DCLK2: variants seen among roughly 807,000 people sequenced by gnomAD.
DCLK2 encodes doublecortin like kinase 2.
In DCLK2, 31 loss-of-function variants were observed where a neutral mutation model predicts 78.4. That is an observed-to-expected ratio of 0.40 (90% confidence interval 0.30 to 0.53). The LOEUF is 0.53. Ranked by LOEUF, DCLK2 falls within the 20% of genes least tolerant of loss-of-function variation. The probability of loss-of-function intolerance (pLI) is 0.61; values close to 1 mark genes in which losing one functional copy is unlikely to be tolerated. For synonymous variants in DCLK2, 407 were observed against 374.9 expected (o/e 1.09, Z -0.99); for missense variants, 872 against 973.7 (o/e 0.90, Z 1.39).
chr4:150,101,007 C>T (rs1299946256), intron 1 of DCLK2, among the ~76,000 whole-genome samples: 2 of 152,146 alleles, frequency 1.3e-5, no homozygotes, highest in African/African-American at 2.4e-5. Context: ...AATCCCAGCA[C>T]TTTGGGAGGT....
intron 2 of DCLK2, among the ~76,000 whole-genome samples, chr4:150,161,690 A>G (rs1735715664): frequency 6.6e-6 from 1 of 152,194 alleles, no homozygotes; most frequent in Non-Finnish European, 1.5e-5. Flanking sequence ...ATCCACAGAG[A>G]TGTGTTTCCA....
At chr4:150,156,107 G>A (rs60907583) in intron 2 of DCLK2, among the ~76,000 whole-genome samples, 45,462 of 151,948 alleles carry the variant, frequency 0.3, 6,924 homozygotes, top group East Asian at 0.34. Context: ...AGACCCACCC[G>A]TTGGACTTGA....
At chr4:150,169,189 A>C (rs1020231192) in intron 2 of DCLK2, among the ~76,000 whole-genome samples, 3 of 152,198 alleles carry the variant, frequency 2.0e-5, no homozygotes, top group African/African-American at 7.2e-5. Flanking sequence ...AAATGACAAA[A>C]ATATTCCCAA....
At chr4:150,198,928 T>C in intron 4 of DCLK2, 1 of 365,576 alleles carries the variant, frequency 2.7e-6, no homozygotes, top group Non-Finnish European at 5.4e-6. Context: ...CCCCACTTTC[T>C]GTAGGGCAGG....
At position 150,248,317 on chromosome 4, in the gene DCLK2, C is replaced by G. The variant is rs1277884374; in HGVS notation, c.1888C>G (p.Gln630Glu). ...ITDSAKELIS[Q>E]MLQVNVEARC... ...TGTTTATTTGTAGGAATTAATCAGT[C>G]AAATGCTTCAGGTAAATGTTGAAGC... Residue 630 changes from glutamine (Q) to glutamate (E), a missense_variant, in exon 14 of 16, where the codon CAA (glutamine) becomes GAA (glutamate). Transcript: ENST00000296550. 2 of 1,613,948 alleles carry G rather than the reference C, an allele frequency of 1.2e-6. No homozygotes were observed. The highest frequency in any genetic ancestry group is 2.2e-5 in the South Asian group (2 of 91,064).
chr4:150,222,116 C>T (rs1018925684), intron 7 of DCLK2, among the ~76,000 whole-genome samples: 1 of 151,912 alleles, frequency 6.6e-6, no homozygotes, highest in South Asian at 2.1e-4. Flanking sequence ...CTCAGCCTCC[C>T]AGCTAATTTT....
intron 2 of DCLK2, among the ~76,000 whole-genome samples, chr4:150,177,431 A>G (rs534960420): frequency 1.3e-5 from 2 of 152,312 alleles, no homozygotes; most frequent in South Asian, 2.1e-4. Context: ...GATGTAGTCT[A>G]TGGGCGAGGA....
Position 150,249,689 on chromosome 4 carries a change from G to C in DCLK2, c.2073+5G>C. 6.2e-7 allele frequency: 1 copy of C among 1,611,498 alleles called. No homozygotes were observed. Among genetic ancestry groups the C allele is most frequent in the Non-Finnish European group, 8.5e-7 (1 of 1,178,218 alleles). On this transcript the variant is annotated splice_donor_5th_base_variant and intron_variant, in intron 15 of 15. Coordinates refer to ENST00000296550, the MANE Select transcript of DCLK2 (RefSeq NM_001040260.4). ...ACCGGGGTCTCCGTCATCATGGTGAGTGGAAGGCGGCAGGTCTGGCCTGAC... is the reference window on the plus strand; with the variant it reads ...ACCGGGGTCTCCGTCATCATGGTGACTGGAAGGCGGCAGGTCTGGCCTGAC...
chr4:150,116,414 A>G (rs1482881744), intron 2 of DCLK2, among the ~76,000 whole-genome samples: 1 of 152,134 alleles, frequency 6.6e-6, no homozygotes, highest in Non-Finnish European at 1.5e-5. Flanking sequence ...ACTTCCCACA[A>G]GCGGAAAGTT....
chr4:150,102,379 T>C (rs1730948166), intron 1 of DCLK2, 99 bp from the exon 2 acceptor site: 1 of 1,158,724 alleles, frequency 8.6e-7, no homozygotes, highest in Admixed American at 2.3e-5. Context: ...CCCACTAAGG[T>C]TAAGGGTTCA....
intron 1 of DCLK2, among the ~76,000 whole-genome samples, chr4:150,099,595 A>T (rs1730721919): frequency 6.6e-6 from 1 of 152,224 alleles, no homozygotes; most frequent in Non-Finnish European, 1.5e-5. Context: ...CAGTACACAG[A>T]AACACTAAAA....
At chr4:150,169,134 T>C (rs1035243773) in intron 2 of DCLK2, among the ~76,000 whole-genome samples, 5 of 152,130 alleles carry the variant, frequency 3.3e-5, no homozygotes, top group African/African-American at 1.2e-4. Context: ...CACAGTCTTT[T>C]ACCCAGGACT....
At chr4:150,113,443 T>C (rs1378378711) in intron 2 of DCLK2, among the ~76,000 whole-genome samples, 3 of 127,834 alleles carry the variant, frequency 2.3e-5, no homozygotes, top group African/African-American at 5.8e-5. Flanking sequence ...TACTGGTTTG[T>C]TCAGGGTTTT....
intron 12 of DCLK2, among the ~76,000 whole-genome samples, chr4:150,245,747 T>A (rs1743259225): frequency 6.6e-6 from 1 of 152,194 alleles, no homozygotes; most frequent in Non-Finnish European, 1.5e-5. Context: ...TGTGCCACAT[T>A]TTCTTAATCC....
chr4:150,247,813 G>T (rs1054312662), intron 13 of DCLK2, 114 bp downstream of exon 13: 4 of 777,848 alleles, frequency 5.1e-6, no homozygotes, highest in East Asian at 5.4e-5. Context: ...GGCTTTTAAT[G>T]TGTGGTTCTT....
chr4:150,115,187 C>T (rs1438027811), intron 2 of DCLK2, among the ~76,000 whole-genome samples: 1 of 152,116 alleles, frequency 6.6e-6, no homozygotes, highest in Non-Finnish European at 1.5e-5. Flanking sequence ...TTTTGTAATT[C>T]CCTAAATGTG....
At chr4:150,199,131 T>C in intron 4 of DCLK2, 1 of 1,494,014 alleles carries the variant, frequency 6.7e-7, no homozygotes, top group Non-Finnish European at 9.1e-7. Context: ...TGTTTTTGTT[T>C]TTTGCCACTT....
chr4:150,221,861 T>C (rs1741211716), intron 7 of DCLK2, 76 bp downstream of exon 7: 1 of 982,486 alleles, frequency 1.0e-6, no homozygotes, highest in Admixed American at 2.9e-5. Context: ...ACAGATACAG[T>C]TTTCCTTGGA....
chr4:150,094,716 C>T (rs1468344734), intron 1 of DCLK2, among the ~76,000 whole-genome samples: 5 of 152,196 alleles, frequency 3.3e-5, no homozygotes, highest in Admixed American at 6.5e-5. Context: ...TTTGGAAATA[C>T]GCATTTTCTT....
Sources: gnomAD v4.1 joint callset for allele counts (sites outside exome capture counted in the v4.1 genomes callset) on GRCh38, gnomAD v4.1.1 for gene constraint, MANE v1.5 for transcripts, NCBI Gene and HGNC (gene_info 2026-07-23, HGNC 2026-07-21) for gene names.